PAX5: variants seen among roughly 807,000 people sequenced by gnomAD.
The protein encoded by PAX5 is paired box 5.
Under a neutral mutation model 43.7 loss-of-function variants are expected in PAX5, and 9 were observed. That is an observed-to-expected ratio of 0.21 (90% confidence interval 0.12 to 0.36). PAX5 has a LOEUF of 0.36. Ranked by LOEUF, PAX5 falls within the 10% of genes least tolerant of loss-of-function variation. PAX5 has a pLI of 1.00. For synonymous variants in PAX5, 228 were observed against 214.3 expected, an observed-to-expected ratio of 1.06 and a Z score of -0.56; for missense variants, 383 against 532.7, an observed-to-expected ratio of 0.72 and a Z score of 2.77.
At chr9:36,973,991 C>T (rs1000601279) in intron 5 of PAX5, among the ~76,000 whole-genome samples, 3 of 152,034 alleles carry the variant, frequency 2.0e-5, no homozygotes, top group Admixed American at 6.5e-5. Flanking sequence ...CAGAGTAAGA[C>T]TCTGTCTCAA....
chr9:36,879,455 G>A (rs969054064), intron 8 of PAX5, among the ~76,000 whole-genome samples: 1 of 152,210 alleles, frequency 6.6e-6, no homozygotes, highest in African/African-American at 2.4e-5. Flanking sequence ...CAGGTTCCGG[G>A]GCTGTCCCTG....
intron 8 of PAX5, among the ~76,000 whole-genome samples, chr9:36,867,311 C>G (rs1247865436): frequency 6.6e-6 from 1 of 152,190 alleles, no homozygotes; most frequent in Non-Finnish European, 1.5e-5. Context: ...CTGCTCGTGC[C>G]ACACCCTTCT....
chr9:36,958,496 G>A (rs1402924724), intron 6 of PAX5, among the ~76,000 whole-genome samples: 1 of 152,066 alleles, frequency 6.6e-6, no homozygotes, highest in African/African-American at 2.4e-5. Flanking sequence ...AGGTGGGGGA[G>A]CAGAAGGGAA....
chr9:36,856,476 T>A (rs1008420230), intron 8 of PAX5: 1 of 152,038 alleles, frequency 6.6e-6, no homozygotes, highest in Non-Finnish European at 1.5e-5. Context: ...TCAGTTCGGC[T>A]CACTTCAAAA....
intron 7 of PAX5, among the ~76,000 whole-genome samples, chr9:36,912,710 G>A (rs1347586333): frequency 6.6e-6 from 1 of 152,140 alleles, no homozygotes; most frequent in African/African-American, 2.4e-5. Context: ...CCCAGGTATG[G>A]TCAGAACGTC....
At chr9:36,917,968 TA>T (rs1829854272) in intron 7 of PAX5, among the ~76,000 whole-genome samples, 1 of 152,198 alleles carries the variant, frequency 6.6e-6, no homozygotes, top group South Asian at 2.1e-4. Context: ...TGTGCCCATA[TA>T]AGATGGAAAA....
intron 5 of PAX5, among the ~76,000 whole-genome samples, chr9:36,993,016 CT>C (rs1416594073): frequency 6.6e-6 from 1 of 152,162 alleles, no homozygotes; most frequent in Non-Finnish European, 1.5e-5. Flanking sequence ...TTTGCTGCAC[CT>C]GTTATTTTCA....
intron 8 of PAX5, among the ~76,000 whole-genome samples, chr9:36,865,699 A>G (rs1203033427): frequency 3.3e-5 from 5 of 152,224 alleles, no homozygotes; most frequent in South Asian, 2.1e-4. Flanking sequence ...TTATTTGCCA[A>G]CTAGTAACCC....
chr9:36,917,533 C>T (rs183153622), intron 7 of PAX5, among the ~76,000 whole-genome samples: 81 of 152,314 alleles, frequency 5.3e-4, no homozygotes, highest in Non-Finnish European at 7.5e-4. Context: ...CTATGTAGCC[C>T]CAACTAAACA....
chr9:36,881,358 T>C (rs1362053443), intron 8 of PAX5, among the ~76,000 whole-genome samples: 1 of 152,188 alleles, frequency 6.6e-6, no homozygotes, highest in Non-Finnish European at 1.5e-5. Context: ...CGGGTATTCC[T>C]GCTATGCTAA....
chr9:36,928,065 T>C (rs1343711561), intron 6 of PAX5, among the ~76,000 whole-genome samples: 1 of 152,240 alleles, frequency 6.6e-6, no homozygotes, highest in African/African-American at 2.4e-5. Context: ...CCAGCCTCTC[T>C]TCTTTGGTGG....
At chr9:36,957,324 C>T (rs539677718) in intron 6 of PAX5, among the ~76,000 whole-genome samples, 1 of 152,340 alleles carries the variant, frequency 6.6e-6, no homozygotes, top group East Asian at 1.9e-4. Flanking sequence ...CACTTTAGGT[C>T]TCCTCTAAGG....
intron 9 of PAX5, among the ~76,000 whole-genome samples, chr9:36,846,299 G>A (rs1490365032): frequency 6.6e-6 from 1 of 152,150 alleles, no homozygotes; most frequent in Admixed American, 6.5e-5. Context: ...GGCACCAGCT[G>A]AGCCCTAAAT....
chr9:37,033,171 C>T (rs1312036573), intron 1 of PAX5, among the ~76,000 whole-genome samples: 3 of 152,246 alleles, frequency 2.0e-5, no homozygotes, highest in Non-Finnish European at 4.4e-5. Flanking sequence ...CAAATGGTAG[C>T]CTGAACAGTG....
chr9:36,889,090 C>T (rs1827151624), intron 7 of PAX5, among the ~76,000 whole-genome samples: 1 of 152,216 alleles, frequency 6.6e-6, no homozygotes, highest in African/African-American at 2.4e-5. Flanking sequence ...TTCTTTGTTA[C>T]TCTTCTCATG....
At chr9:36,978,501 C>CAAAA (rs1835641913) in intron 5 of PAX5, among the ~76,000 whole-genome samples, 2 of 124,368 alleles carry the variant, frequency 1.6e-5, no homozygotes, top group African/African-American at 5.8e-5. Flanking sequence ...CCCCACTGCA[C>CAAAA]AGAAATAAAT....
intron 8 of PAX5, among the ~76,000 whole-genome samples, chr9:36,849,713 G>A (rs193126033): frequency 1.2e-4 from 18 of 152,316 alleles, no homozygotes; most frequent in Non-Finnish European, 2.2e-4. Context: ...GCCCCTTGGT[G>A]GGAGAAATGA....
At chr9:36,914,186 C>A (rs906931280) in intron 7 of PAX5, among the ~76,000 whole-genome samples, 1 of 152,200 alleles carries the variant, frequency 6.6e-6, no homozygotes, top group Non-Finnish European at 1.5e-5. Context: ...CATTCAGGTA[C>A]GTGAGAAATC....
intron 6 of PAX5, 106 bp from the exon 7 acceptor site, chr9:36,923,590 C>T (rs1756902836): frequency 7.4e-7 from 1 of 1,357,436 alleles, no homozygotes; most frequent in Non-Finnish European, 1.0e-6. Context: ...TAGTCCATGC[C>T]TGTGCCAAGG....
Sources: allele counts gnomAD v4.1 joint callset (sites outside exome capture counted in the v4.1 genomes callset), GRCh38; gene constraint gnomAD v4.1.1; transcripts MANE v1.5; gene names NCBI Gene and HGNC (gene_info 2026-07-23, HGNC 2026-07-21).